The following RDX variants were observed in gnomAD, a reference collection of about 807,000 sequenced individuals.
RDX encodes the protein deafness, autosomal recessive 24.
In RDX, 32 loss-of-function variants were observed where a neutral mutation model predicts 83.7. The ratio of observed to expected loss-of-function variants is 0.38; its 90% CI spans 0.29 to 0.51. RDX has a LOEUF of 0.51. RDX is among the 20% of genes least tolerant of loss of function. The pLI, the probability that RDX is intolerant of heterozygous loss-of-function variation, is 0.87. For missense variants in RDX, 600 were observed against 689.9 expected (o/e 0.87, Z 1.46); for synonymous variants, 229 against 222.7 (o/e 1.03, Z -0.25).
intron 8 of RDX, 112 bp downstream of exon 8, chr11:110,255,177 A>G: frequency 1.6e-6 from 1 of 640,602 alleles, no homozygotes; most frequent in South Asian, 1.9e-5. Flanking sequence ...TGGAAAGAGA[A>G]TGGTCCTCAG....
rs982104654 is a variant in RDX at position 110,274,344 on chromosome 11, T to TA, written c.13-1726dup. ...CTAAATTTTGTTATTATCTTGCTTTTAAAAAAATGGTTCTAACGTAAATAT... is the reference window on the plus strand; with the variant it reads ...CTAAATTTTGTTATTATCTTGCTTTTAAAAAAAATGGTTCTAACGTAAATAT... On this transcript the variant is annotated intron_variant, in intron 2 of 13. Transcript: ENST00000645495. 6.6e-5 allele frequency among the ~76,000 whole-genome samples: 10 copies of TA among 152,306 alleles called. 1 individual carries two copies. Among genetic ancestry groups the TA allele is most frequent in the African/African-American group, 2.4e-4 (10 of 41,572 alleles).
intron 13 of RDX, among the ~76,000 whole-genome samples, chr11:110,232,576 C>G (rs1864683075): frequency 6.6e-6 from 1 of 152,048 alleles, no homozygotes; most frequent in Non-Finnish European, 1.5e-5. Flanking sequence ...TATGTAATGT[C>G]TTAAACATAG....
intron 2 of RDX, among the ~76,000 whole-genome samples, chr11:110,275,880 G>A (rs997154624): frequency 1.3e-5 from 2 of 150,240 alleles, no homozygotes; most frequent in East Asian, 3.9e-4. Flanking sequence ...TGCCTTCCAG[G>A]TTCAAGTGAT....
At chr11:110,290,574 G>C (rs1006359797) in intron 1 of RDX, among the ~76,000 whole-genome samples, 7 of 151,412 alleles carry the variant, frequency 4.6e-5, no homozygotes, top group African/African-American at 1.7e-4. Context: ...CTGCCCATTA[G>C]AGTGAGAACT....
intron 1 of RDX, among the ~76,000 whole-genome samples, chr11:110,294,618 T>C (rs1235736833): frequency 6.6e-6 from 1 of 151,898 alleles, no homozygotes; most frequent in Non-Finnish European, 1.5e-5. Context: ...TCCCGGAGAC[T>C]AATGAGACTC....
Position 110,233,414 on chromosome 11 carries a change from G to C in RDX, c.1410C>G (p.Pro470=), listed in dbSNP as rs577555846. Reference sequence around the variant, plus strand: ...TGACTGGTGGTGGTGGAGGTGGAGGGGGGGCAGACATCACAGTTTTTAACT... The same window carrying C: ...TGACTGGTGGTGGTGGAGGTGGAGGCGGGGCAGACATCACAGTTTTTAACT... The part of the protein sequence containing the change: ...KEELKTVMSA[P]PPPPPPPVIP... The change falls in exon 13 of 14, where the codon CCC becomes CCG. Residue 470 remains proline (P), a synonymous_variant. Transcript: ENST00000645495. 2.3e-5 allele frequency: 37 copies of C among 1,613,908 alleles called. No individual in the cohort carries two copies. The highest frequency in any genetic ancestry group is 1.8e-4 in the Admixed American group (11 of 59,986).
chr11:110,175,989 G>A (rs1028673731), intron 15 of RDX, among the ~76,000 whole-genome samples: 1 of 152,190 alleles, frequency 6.6e-6, no homozygotes, highest in African/African-American at 2.4e-5. Flanking sequence ...GTGGGAAGCA[G>A]TGGGAGAGGC....
intron 15 of RDX, among the ~76,000 whole-genome samples, chr11:110,179,424 C>T (rs1293828763): frequency 1.3e-5 from 2 of 152,240 alleles, no homozygotes; most frequent in African/African-American, 4.8e-5. Context: ...CCCATCTTCC[C>T]AGTTCCACTT....
At chr11:110,272,663 T>G (rs1192620907) in intron 2 of RDX, 44 bp from the exon 3 acceptor site, 3 of 1,314,578 alleles carry the variant, frequency 2.3e-6, no homozygotes, top group Non-Finnish European at 3.3e-6. Context: ...GAGAAGTTAT[T>G]AGGCGTGAGA....
chr11:110,217,823 A>G (rs111847483), intron 14 of RDX, among the ~76,000 whole-genome samples: 80 of 151,806 alleles, frequency 5.3e-4, no homozygotes, highest in African/African-American at 1.8e-3. Context: ...ACTGTTAGCA[A>G]GAGGTTGGTC....
chr11:110,192,330 G>A (rs143811195), intron 15 of RDX, among the ~76,000 whole-genome samples: 2 of 152,170 alleles, frequency 1.3e-5, no homozygotes, highest in African/African-American at 4.8e-5. Context: ...AACTGGCTAT[G>A]CATATGCAAA....
At chr11:110,243,712 T>C (rs2134329493) in intron 10 of RDX, among the ~76,000 whole-genome samples, 2 of 151,508 alleles carry the variant, frequency 1.3e-5, no homozygotes, top group Admixed American at 6.6e-5. Context: ...AGCAAGACCT[T>C]GTCTCAGGAA....
rs190581134 is a variant in RDX, at chr11:110,235,809, A to C, written c.1344+290T>G. Reference sequence around the variant, plus strand: ...CTTCTTCAGTCTCTAACTATTCCCAATTTTACATCCCAATCTTTTGTACCC... The same window carrying C: ...CTTCTTCAGTCTCTAACTATTCCCACTTTTACATCCCAATCTTTTGTACCC... On this transcript the variant is annotated intron_variant, in intron 12 of 13. Coordinates refer to ENST00000645495, the MANE Select transcript of RDX (RefSeq NM_002906.4). 6.3e-3 allele frequency among the ~76,000 whole-genome samples: 954 copies of C among 152,142 alleles called. 18 individuals carry two copies. The highest frequency in any genetic ancestry group is 0.02 in the African/African-American group (839 of 41,510).
At chr11:110,237,807 G>C (rs1445235084) in intron 10 of RDX, 155 bp from the exon 11 acceptor site, 4 of 871,792 alleles carry the variant, frequency 4.6e-6, no homozygotes, top group Non-Finnish European at 7.5e-6. Context: ...TCTTGAGACA[G>C]GGTCTCGCTC....
chr11:110,224,936 C>T (rs1473375647), downstream of RDX, among the ~76,000 whole-genome samples: 1 of 152,102 alleles, frequency 6.6e-6, no homozygotes, highest in Non-Finnish European at 1.5e-5. Flanking sequence ...GTTATTGTTC[C>T]CTTCTGTAGC....
intron 15 of RDX, among the ~76,000 whole-genome samples, chr11:110,179,099 C>A (rs1170525182): frequency 2.0e-5 from 3 of 152,150 alleles, no homozygotes; most frequent in Non-Finnish European, 4.4e-5. Context: ...GGGGTTCAGC[C>A]AGGGGGAAGC....
chr11:110,270,876 A>G (rs1210071872), intron 3 of RDX, among the ~76,000 whole-genome samples: 2 of 152,254 alleles, frequency 1.3e-5, no homozygotes, highest in Non-Finnish European at 2.9e-5. Context: ...CTCACTTACT[A>G]TAAATAACAT....
chr11:110,245,672 T>C (rs1859077674), intron 10 of RDX, among the ~76,000 whole-genome samples: 1 of 152,196 alleles, frequency 6.6e-6, no homozygotes, highest in Non-Finnish European at 1.5e-5. Flanking sequence ...ATGTTTCCTT[T>C]CCTTGTAGCA....
At chr11:110,244,732 A>G (rs1431747076) in intron 10 of RDX, among the ~76,000 whole-genome samples, 3 of 152,222 alleles carry the variant, frequency 2.0e-5, no homozygotes, top group African/African-American at 7.2e-5. Context: ...ATTATAAGCT[A>G]TATCTCAACA....
Sources: gnomAD v4.1 joint callset for allele counts (sites outside exome capture counted in the v4.1 genomes callset) on GRCh38, gnomAD v4.1.1 for gene constraint, MANE v1.5 for transcripts, NCBI Gene and HGNC (gene_info 2026-07-23, HGNC 2026-07-21) for gene names.